PAMR1: variants seen among roughly 807,000 people sequenced by gnomAD.
The protein encoded by PAMR1 is peptidase domain containing associated with muscle regeneration 1.
In PAMR1, 88 loss-of-function variants were observed where a neutral mutation model predicts 81.8. The ratio of observed to expected loss-of-function variants is 1.08; its 90% CI spans 0.91 to 1.28. PAMR1 has a LOEUF of 1.28. Ranked by LOEUF, PAMR1 falls within the 50% of genes most tolerant of loss-of-function variation. The probability of loss-of-function intolerance (pLI) is 0.00; values close to 1 mark genes in which losing one functional copy is unlikely to be tolerated. For synonymous variants in PAMR1, 336 were observed against 345.3 expected (o/e 0.97, Z 0.30); for missense variants, 935 against 919.7 (o/e 1.02, Z -0.21).
At chr11:35,484,355 C>T (rs980310771) in intron 3 of PAMR1, among the ~76,000 whole-genome samples, 2 of 152,214 alleles carry the variant, frequency 1.3e-5, no homozygotes. Context: ...CAGTTTGAAT[C>T]GACCTGAGCA....
chr11:35,525,436 T>C, intron 1 of PAMR1, 77 bp downstream of exon 1: 1 of 1,239,396 alleles, frequency 8.1e-7, no homozygotes, highest in Middle Eastern at 1.9e-4. Flanking sequence ...CCAGTCCTGC[T>C]CCCAGGCAGA....
At chr11:35,520,180 A>G (rs896930877) in intron 1 of PAMR1, among the ~76,000 whole-genome samples, 1 of 152,182 alleles carries the variant, frequency 6.6e-6, no homozygotes, top group African/African-American at 2.4e-5. Flanking sequence ...TGATGATTGT[A>G]TCATCAAGGG....
At chr11:35,506,035 T>C (rs544373543) in intron 1 of PAMR1, among the ~76,000 whole-genome samples, 14 of 152,110 alleles carry the variant, frequency 9.2e-5, no homozygotes, top group Admixed American at 2.0e-4. Flanking sequence ...TTTTTTTTCA[T>C]TGAGTTACCA....
intron 6 of PAMR1, among the ~76,000 whole-genome samples, chr11:35,461,729 G>A (rs1000056643): frequency 4.7e-4 from 71 of 152,148 alleles, no homozygotes; most frequent in African/African-American, 1.6e-3. Flanking sequence ...AAATGGGATG[G>A]CATCCCTCTG....
chr11:35,453,764 G>GT (rs943359187), intron 6 of PAMR1, among the ~76,000 whole-genome samples: 27 of 151,878 alleles, frequency 1.8e-4, no homozygotes, highest in African/African-American at 5.1e-4. Context: ...AGTGGGATGG[G>GT]TTTTTTTTGG....
intron 6 of PAMR1, among the ~76,000 whole-genome samples, chr11:35,453,070 GAAA>G (rs903212061): frequency 6.6e-6 from 1 of 152,186 alleles, no homozygotes; most frequent in Non-Finnish European, 1.5e-5. Flanking sequence ...CTAGGGTTTG[GAAA>G]AATTACATAA....
intron 1 of PAMR1, among the ~76,000 whole-genome samples, chr11:35,511,176 C>A (rs1286992849): frequency 6.6e-6 from 1 of 152,194 alleles, no homozygotes; most frequent in East Asian, 1.9e-4. Context: ...CAGCCCCTCA[C>A]CAGGCTGACA....
chr11:35,459,081 T>A (rs991966859), intron 6 of PAMR1, among the ~76,000 whole-genome samples: 2 of 152,160 alleles, frequency 1.3e-5, no homozygotes, highest in Non-Finnish European at 2.9e-5. Flanking sequence ...TCTCTCTATG[T>A]GAAATTATGC....
intron 6 of PAMR1, among the ~76,000 whole-genome samples, chr11:35,443,621 T>C (rs568520564): frequency 2.0e-5 from 3 of 152,338 alleles, no homozygotes; most frequent in African/African-American, 7.2e-5. Flanking sequence ...TGATGGTCAT[T>C]TGGGTTAATT....
At position 35,472,685 on chromosome 11, in the gene PAMR1, T is replaced by C. The variant is rs568767531; in HGVS notation, c.495-1867A>G. ...AGTAGAGCCAGCCTTGTGAAGGTCA[T>C]GGGGCAGAGTGGTCCAGGCAGGGGA... is the stretch of plus-strand genomic sequence containing the variant. On this transcript the variant is annotated intron_variant, in intron 4 of 10. Transcript: ENST00000619888. Among the ~76,000 whole-genome samples the C allele has an allele frequency of 2.9e-4, 44 of 152,182 alleles. No individual in the cohort carries two copies. The South Asian group carries it at 2.9e-3, about 10-fold the overall frequency.
intron 3 of PAMR1, among the ~76,000 whole-genome samples, chr11:35,480,959 G>C (rs543144969): frequency 6.6e-6 from 1 of 152,220 alleles, no homozygotes; most frequent in African/African-American, 2.4e-5. Context: ...GTGGTGGTTG[G>C]TTTTCTGTTC....
chr11:35,457,676 C>T (rs1314319150), intron 6 of PAMR1, among the ~76,000 whole-genome samples: 1 of 152,060 alleles, frequency 6.6e-6, no homozygotes, highest in Non-Finnish European at 1.5e-5. Context: ...GCAAGTAGTT[C>T]ATTTAGGTGA....
chr11:35,512,944 T>A (rs751261907), intron 1 of PAMR1, among the ~76,000 whole-genome samples: 3 of 152,160 alleles, frequency 2.0e-5, no homozygotes, highest in Non-Finnish European at 4.4e-5. Context: ...TGAGTTGTGA[T>A]CACACCACTG....
chr11:35,461,267 G>A (rs1420171857), intron 6 of PAMR1, among the ~76,000 whole-genome samples: 1 of 152,258 alleles, frequency 6.6e-6, no homozygotes, highest in African/African-American at 2.4e-5. Context: ...CAAAGCGTTA[G>A]CAAAGCAATG....
chr11:35,510,331 C>T (rs1469099527), intron 1 of PAMR1, among the ~76,000 whole-genome samples: 2 of 152,140 alleles, frequency 1.3e-5, no homozygotes, highest in African/African-American at 4.8e-5. Context: ...AGGGTTCACT[C>T]TTGGTCTTAT....
At chr11:35,480,873 C>T (rs578252792) in intron 3 of PAMR1, among the ~76,000 whole-genome samples, 6 of 152,168 alleles carry the variant, frequency 3.9e-5, no homozygotes, top group East Asian at 1.9e-4. Flanking sequence ...GGCCCTGACA[C>T]GCTCTGGTGT....
intron 1 of PAMR1, among the ~76,000 whole-genome samples, chr11:35,514,813 A>AC (rs1851133857): frequency 1.3e-5 from 2 of 151,740 alleles, no homozygotes; most frequent in South Asian, 4.2e-4. Flanking sequence ...TAGCAAACCC[A>AC]CCCCCGCACC....
intron 1 of PAMR1, among the ~76,000 whole-genome samples, chr11:35,505,037 T>C (rs2781018): frequency 0.31 from 47,425 of 151,806 alleles, 7,478 homozygotes; most frequent in African/African-American, 0.36. Flanking sequence ...CCCATAGATT[T>C]TGGTATGTTG....
intron 1 of PAMR1, among the ~76,000 whole-genome samples, chr11:35,504,901 T>A (rs1035109679): frequency 8.4e-6 from 1 of 119,170 alleles, no homozygotes; most frequent in Non-Finnish European, 1.8e-5. Context: ...TCCTTCTACT[T>A]ACTTTGGGTT....
Sources: allele counts gnomAD v4.1 joint callset (sites outside exome capture counted in the v4.1 genomes callset), GRCh38; gene constraint gnomAD v4.1.1; transcripts MANE v1.5; gene names NCBI Gene and HGNC (gene_info 2026-07-23, HGNC 2026-07-21).